Variants in NEBL observed in about 807,000 individuals in gnomAD.
The protein encoded by NEBL is nebulette, also known as LIM and SH3 protein 2.
Under a neutral mutation model 140.2 loss-of-function variants are expected in NEBL, and 122 were observed. The ratio of observed to expected loss-of-function variants is 0.87; its 90% CI spans 0.75 to 1.01. The LOEUF (loss-of-function observed/expected upper bound fraction) is 1.01. Among genes scored for constraint, NEBL ranks in the 50% least tolerant of loss-of-function variants. The probability of loss-of-function intolerance (pLI) is 0.00; values close to 1 mark genes in which losing one functional copy is unlikely to be tolerated. For missense variants in NEBL, 1,365 were observed against 1,231.3 expected (o/e 1.11, Z -1.62); for synonymous variants, 436 against 398.9 (o/e 1.09, Z -1.11).
At chr10:20,822,290 C>T (rs1356532403) in intron 19 of NEBL, among the ~76,000 whole-genome samples, 3 of 151,880 alleles carry the variant, frequency 2.0e-5, no homozygotes, top group Admixed American at 2.0e-4. Context: ...TAACACATTT[C>T]ATGTTTAGTT....
At chr10:20,889,690 T>C (rs1477312396) in intron 3 of NEBL, among the ~76,000 whole-genome samples, 155 bp downstream of exon 3, 2 of 152,194 alleles carry the variant, frequency 1.3e-5, no homozygotes, top group Non-Finnish European at 2.9e-5. Context: ...ATGAGTTAAA[T>C]GACAGCGCAT....
chr10:20,895,133 A>G (rs1330320907), intron 2 of NEBL, among the ~76,000 whole-genome samples: 1 of 152,038 alleles, frequency 6.6e-6, no homozygotes, highest in East Asian at 1.9e-4. Flanking sequence ...TTTTAAAGTC[A>G]CTGATAGACA....
chr10:21,120,057 A>C (rs1838462102), intron 2 of NEBL, among the ~76,000 whole-genome samples: 1 of 151,938 alleles, frequency 6.6e-6, no homozygotes, highest in Admixed American at 6.6e-5. Flanking sequence ...TCAATTTGTT[A>C]CTCTAGTAAT....
chr10:21,119,948 G>A (rs1382360975), intron 2 of NEBL, among the ~76,000 whole-genome samples: 1 of 151,982 alleles, frequency 6.6e-6, no homozygotes, highest in Non-Finnish European at 1.5e-5. Flanking sequence ...CCTCATTTGC[G>A]GATTTATCTA....
chr10:20,872,930 G>T (rs188266786), intron 5 of NEBL, among the ~76,000 whole-genome samples: 98 of 152,278 alleles, frequency 6.4e-4, no homozygotes, highest in Admixed American at 1.6e-3. Context: ...CAGCCTTCGG[G>T]GCTGCTCTGT....
At chr10:20,897,411 G>A, upstream of NEBL, 4 of 1,321,564 alleles carry the variant, frequency 3.0e-6, 1 homozygote, top group Non-Finnish European at 1.9e-6. Flanking sequence ...TACCAGGCTG[G>A]CCTCACAAGT....
At chr10:21,251,261 CAT>C (rs1842584631) in intron 2 of NEBL, among the ~76,000 whole-genome samples, 1 of 152,126 alleles carries the variant, frequency 6.6e-6, no homozygotes, top group Non-Finnish European at 1.5e-5. Flanking sequence ...AAATAAAAAA[CAT>C]AGCTTGTTCA....
intron 10 of NEBL, among the ~76,000 whole-genome samples, chr10:20,852,025 A>C (rs1210481169): frequency 6.6e-6 from 1 of 152,180 alleles, no homozygotes; most frequent in African/African-American, 2.4e-5. Context: ...AAAAAAAATA[A>C]CGACTTTAAA....
At chr10:20,897,630 A>C, upstream of NEBL, 283 of 740,798 alleles carry the variant, frequency 3.8e-4, no homozygotes, top group Non-Finnish European at 4.4e-4. Context: ...CTGTTATCTC[A>C]AAGATTCCTT....
chr10:21,116,072 T>C (rs1049377533), intron 2 of NEBL, among the ~76,000 whole-genome samples: 1 of 152,160 alleles, frequency 6.6e-6, no homozygotes, highest in Non-Finnish European at 1.5e-5. Context: ...TGCATGTCTA[T>C]TTTATATCTT....
chr10:21,197,420 T>G (rs573938430), intron 3 of NEBL, among the ~76,000 whole-genome samples: 1 of 152,334 alleles, frequency 6.6e-6, no homozygotes, highest in African/African-American at 2.4e-5. Context: ...CAATTAAACA[T>G]TGATCCATGT....
intron 3 of NEBL, among the ~76,000 whole-genome samples, chr10:20,967,638 A>C (rs559852665): frequency 3.9e-5 from 6 of 152,216 alleles, no homozygotes; most frequent in Admixed American, 3.9e-4. Flanking sequence ...AAAAAAAAAA[A>C]AACAAGTGCA....
In NEBL at chr10:20,859,726, G is replaced by A. The variant is rs761814327; in HGVS notation, c.785C>T (p.Thr262Ile). 1.3e-6 allele frequency: 2 copies of A among 1,588,476 alleles called. No homozygotes were observed. Among genetic ancestry groups the A allele is most frequent in the African/African-American group, 1.3e-5 (1 of 74,438 alleles). The part of the protein sequence containing the change: ...ASFRQNQLAA[T>I]LASNVKYKKD... ...ATTACAACTTACATTGCTCGCCAGT[G>A]TAGCAGCAAGCTGATTCTGCCTAAA... Residue 262 changes from threonine to isoleucine, a missense_variant, in exon 8 of 28, where the codon ACA becomes ATA. This residue lies in a region of NEBL where 1,323 missense variants were observed against 1,154.8 expected (regional missense o/e 1.15). Transcript: ENST00000377122.
intron 3 of NEBL, among the ~76,000 whole-genome samples, chr10:21,222,382 G>T (rs1013460083): frequency 6.6e-6 from 1 of 150,988 alleles, no homozygotes; most frequent in African/African-American, 2.4e-5. Context: ...TACGTATTTT[G>T]CTTTGCTTTT....
At chr10:20,828,004 C>T (rs59373848) in intron 17 of NEBL, among the ~76,000 whole-genome samples, 3,784 of 151,830 alleles carry the variant, frequency 0.025, 160 homozygotes, top group African/African-American at 0.087. Context: ...ACAAAATAAT[C>T]GTACAACAAA....
chr10:21,086,499 C>T (rs112851298), intron 2 of NEBL, among the ~76,000 whole-genome samples: 3,550 of 152,226 alleles, frequency 0.023, 140 homozygotes, highest in African/African-American at 0.078. Context: ...AGTGTCTAGT[C>T]GGGCATGGTG....
chr10:20,842,861 T>G (rs1022542644), intron 12 of NEBL, among the ~76,000 whole-genome samples: 1 of 152,078 alleles, frequency 6.6e-6, no homozygotes, highest in Non-Finnish European at 1.5e-5. Flanking sequence ...ACTATCACCT[T>G]GCCATTCCTC....
intron 3 of NEBL, among the ~76,000 whole-genome samples, chr10:21,187,787 T>G (rs1360351061): frequency 6.6e-6 from 1 of 152,210 alleles, no homozygotes; most frequent in African/African-American, 2.4e-5. Flanking sequence ...GTGCTGGGAT[T>G]ACAGATGTGA....
intron 3 of NEBL, among the ~76,000 whole-genome samples, chr10:21,190,956 A>T (rs10828206): frequency 0.18 from 27,570 of 152,172 alleles, 2,955 homozygotes; most frequent in African/African-American, 0.28. Flanking sequence ...CCAAGAATAG[A>T]ACATTTCCAG....
Sources: allele counts gnomAD v4.1 joint callset (sites outside exome capture counted in the v4.1 genomes callset), GRCh38; gene constraint gnomAD v4.1.1; regional missense constraint gnomAD v4.1.1; transcripts MANE v1.5; gene names NCBI Gene and HGNC (gene_info 2026-07-23, HGNC 2026-07-21).